LZIC: variants seen among roughly 807,000 people sequenced by gnomAD.
The protein encoded by LZIC is protein LZIC.
A neutral mutation model predicts 25.4 loss-of-function variants in LZIC; 28 were observed. The observed-to-expected ratio is 1.10, with a 90% CI of 0.82 to 1.51. The LOEUF (loss-of-function observed/expected upper bound fraction) is 1.51. Among genes scored for constraint, LZIC ranks in the 40% most tolerant of loss-of-function variants. The probability of loss-of-function intolerance (pLI) is 0.00; values close to 1 mark genes in which losing one functional copy is unlikely to be tolerated. For synonymous variants in LZIC, 65 were observed against 70.7 expected (o/e 0.92, Z 0.40); for missense variants, 170 against 211.1 (o/e 0.81, Z 1.21).
rs1640126455 is a variant in LZIC at position 9,929,587 on chromosome 1, T to C, written c.*812A>G. ...TAGCTGCCATTTCCTGTTGCTTCCC[T>C]GGTCAAACAACGCAGGCGGCTAAGT... On this transcript the variant is annotated 3_prime_UTR_variant, in exon 8 of 8. Transcript: ENST00000377223. The C allele has an allele frequency of 1.0e-6, 1 of 985,290 alleles. No individual in the cohort carries two copies. The highest frequency in any genetic ancestry group is 4.7e-5 in the South Asian group (1 of 21,294). 61.0% of individuals were successfully genotyped at this position (985,290 alleles called of 1,614,324 possible). A position where few individuals can be genotyped will look rare whatever the true frequency, so the allele number is the denominator to read the frequency against.
Position 9,929,275 on chromosome 1 carries a change from CA to C in LZIC, c.*1123del. On this transcript the variant is annotated 3_prime_UTR_variant, in exon 8 of 8. Coordinates refer to ENST00000377223, the MANE Select transcript of LZIC (RefSeq NM_032368.5). ...GCAAAGCACCTAGTAGTTTACAGTA[CA>C]GAAGAAGCTTTAAAAATGCTTTTAA... The C allele has an allele frequency of 2.0e-6, 2 of 979,174 alleles. No homozygotes were observed. The highest frequency in any genetic ancestry group is 2.4e-6 in the Non-Finnish European group (2 of 824,396). The allele number at this position is 979,174 out of a possible 1,614,324, so 60.7% of individuals were successfully genotyped here. A position where few individuals can be genotyped will look rare whatever the true frequency, so the allele number is the denominator to read the frequency against.
In LZIC at chr1:9,935,608, C is replaced by A. The variant is rs747536589; in HGVS notation, c.121G>T (p.Glu41Ter). 17 of 1,606,858 alleles carry A rather than the reference C, an allele frequency of 1.1e-5. No homozygotes were observed. Among genetic ancestry groups the A allele is most frequent in the Admixed American group, 1.7e-5 (1 of 58,342 alleles). ...GTTTCCTTTTTGGTTTCTTCATATT[C>A]ATCTGTATCAAGTTCCTCTCTGAAA... is the stretch of plus-strand genomic sequence containing the variant. ...EECREELDTD[E>*]YEETKKETLE... Residue 41 changes from glutamate (E) to a stop codon, truncating the protein, a stop_gained, in exon 4 of 8, where the codon GAA (glutamate) becomes TAA (stop). Coordinates refer to ENST00000377223, the MANE Select transcript of LZIC (RefSeq NM_032368.5). LOFTEE classifies it high-confidence loss of function.
At chr1:9,942,473 GTAC>G (rs1165118735) in intron 2 of LZIC, among the ~76,000 whole-genome samples, 148 bp downstream of exon 2, 1 of 152,136 alleles carries the variant, frequency 6.6e-6, no homozygotes, top group Admixed American at 6.6e-5. Flanking sequence ...CCTTAACCTG[GTAC>G]TACATTAGTT....
In LZIC at chr1:9,943,377, C is replaced by CG. The variant is rs1230749525; in HGVS notation, c.-297dup. ...AGGGCACTGGCCTGGCGGACCGCGC[C>CG]GGGGGAGCACTTCCGCTGGACGCAC... On this transcript the variant is annotated 5_prime_UTR_variant, in exon 1 of 8. Coordinates refer to ENST00000377223, the MANE Select transcript of LZIC (RefSeq NM_032368.5). 6.6e-6 allele frequency: 1 copy of CG among 152,476 alleles called. No homozygotes were observed. 9.4% of individuals were successfully genotyped at this position (152,476 alleles called of 1,614,324 possible). A position where few individuals can be genotyped will look rare whatever the true frequency, so the allele number is the denominator to read the frequency against.
intron 3 of LZIC, 128 bp from the exon 4 acceptor site, chr1:9,935,755 T>C (rs1570642647): frequency 4.7e-6 from 4 of 853,122 alleles, no homozygotes; most frequent in East Asian, 2.6e-5. Context: ...TGTGTTCACA[T>C]AGTAGTAGTG....
Position 9,929,701 on chromosome 1 carries a change from G to A in LZIC, c.*698C>T. On this transcript the variant is annotated 3_prime_UTR_variant, in exon 8 of 8. Coordinates refer to ENST00000377223, the MANE Select transcript of LZIC (RefSeq NM_032368.5). ...GCCCCATTAATACAGACAGCTTACA[G>A]GCTGGGGGATGGTCCCTTAGTGTGC... The A allele has an allele frequency of 2.0e-6, 2 of 985,434 alleles. No individual in the cohort carries two copies. The highest frequency in any genetic ancestry group is 2.4e-6 in the Non-Finnish European group (2 of 829,938). The allele number at this position is 985,434 out of a possible 1,614,324, so 61.0% of individuals were successfully genotyped here. A position where few individuals can be genotyped will look rare whatever the true frequency, so the allele number is the denominator to read the frequency against.
chr1:9,936,470 C>G, intron 3 of LZIC, 49 bp downstream of exon 3: 1 of 1,269,906 alleles, frequency 7.9e-7, no homozygotes, highest in Non-Finnish European at 1.2e-6. Flanking sequence ...GAGCTAGCTG[C>G]AGAAAAAACG....
At chr1:9,940,598 G>GT (rs1285761611) in intron 2 of LZIC, among the ~76,000 whole-genome samples, 1 of 152,168 alleles carries the variant, frequency 6.6e-6, no homozygotes, top group Non-Finnish European at 1.5e-5. Flanking sequence ...GGTTACAGGC[G>GT]TGAGCCACCG....
chr1:9,934,613 A>G, intron 5 of LZIC, 149 bp downstream of exon 5: 1 of 691,002 alleles, frequency 1.4e-6, no homozygotes, highest in South Asian at 1.7e-5. Context: ...ATTATCAACT[A>G]TAATTGCTCA....
At chr1:9,932,190 A>G (rs1640247937) in intron 6 of LZIC, 7 of 429,956 alleles carry the variant, frequency 1.6e-5, no homozygotes, top group Non-Finnish European at 2.5e-5. Flanking sequence ...TTAAAAATAC[A>G]AAAAATCAGC....
At position 9,929,589 on chromosome 1, in the gene LZIC, G is replaced by C; in HGVS notation, c.*810C>G. 1 of 985,334 alleles carries C rather than the reference G, an allele frequency of 1.0e-6. No individual in the cohort carries two copies. The highest frequency in any genetic ancestry group is 1.2e-6 in the Non-Finnish European group (1 of 829,932). 61.0% of individuals were successfully genotyped at this position (985,334 alleles called of 1,614,324 possible). A position where few individuals can be genotyped will look rare whatever the true frequency, so the allele number is the denominator to read the frequency against. ...GCTGCCATTTCCTGTTGCTTCCCTGGTCAAACAACGCAGGCGGCTAAGTCA... is the reference window on the plus strand; with the variant it reads ...GCTGCCATTTCCTGTTGCTTCCCTGCTCAAACAACGCAGGCGGCTAAGTCA... On this transcript the variant is annotated 3_prime_UTR_variant, in exon 8 of 8. Coordinates refer to ENST00000377223, the MANE Select transcript of LZIC (RefSeq NM_032368.5).
At chr1:9,940,643 C>T (rs948172764) in intron 2 of LZIC, among the ~76,000 whole-genome samples, 1 of 152,194 alleles carries the variant, frequency 6.6e-6, no homozygotes, top group African/African-American at 2.4e-5. Context: ...TTTTCCTACA[C>T]ATAATGAAAT....
Position 9,931,807 on chromosome 1 carries a change from T to C in LZIC, c.514+84A>G. 1.5e-5 allele frequency: 13 copies of C among 857,154 alleles called. No individual in the cohort carries two copies. In the South Asian group the frequency reaches 2.1e-4, roughly 14 times the overall value. 53.1% of individuals were successfully genotyped at this position (857,154 alleles called of 1,614,324 possible). A position where few individuals can be genotyped will look rare whatever the true frequency, so the allele number is the denominator to read the frequency against. Reference sequence around the variant, plus strand: ...TAAACTCAAGGAAAGGTTATTATGTTATTTCAACCACACTCTCCATCAGTT... The same window carrying C: ...TAAACTCAAGGAAAGGTTATTATGTCATTTCAACCACACTCTCCATCAGTT... On this transcript the variant is annotated intron_variant, in intron 7 of 7. Coordinates refer to ENST00000377223, the MANE Select transcript of LZIC (RefSeq NM_032368.5).
intron 4 of LZIC, 71 bp from the exon 5 acceptor site, chr1:9,934,931 G>A (rs367650765): frequency 3.9e-5 from 43 of 1,108,568 alleles, no homozygotes; most frequent in East Asian, 1.4e-4. Context: ...ACTGATTGAC[G>A]GATCCTTAAT....
chr1:9,924,353 A>ATTTTAT (rs34155447), downstream of LZIC, among the ~76,000 whole-genome samples: 1 of 151,590 alleles, frequency 6.6e-6, no homozygotes, highest in Admixed American at 6.6e-5. Context: ...ATTTTATTTT[A>ATTTTAT]TTTATTTATT....
chr1:9,931,600 C>T (rs1640216276), intron 7 of LZIC, among the ~76,000 whole-genome samples: 1 of 152,142 alleles, frequency 6.6e-6, no homozygotes, highest in Non-Finnish European at 1.5e-5. Context: ...CAAAGGGTCT[C>T]ACCATGTTGC....
chr1:9,930,545 A>G, intron 7 of LZIC, 88 bp from the exon 8 acceptor site: 2 of 1,548,846 alleles, frequency 1.3e-6, no homozygotes, highest in Non-Finnish European at 1.8e-6. Flanking sequence ...TATCATATAG[A>G]TATTAAAACA....
At position 9,942,646 on chromosome 1, in the gene LZIC, C is replaced by T; in HGVS notation, c.-31G>A. 7.8e-7 allele frequency: 1 copy of T among 1,288,688 alleles called. No individual in the cohort carries two copies. The highest frequency in any genetic ancestry group is 1.0e-6 in the Non-Finnish European group (1 of 988,262). 79.8% of individuals were successfully genotyped at this position (1,288,688 alleles called of 1,614,324 possible). On this transcript the variant is annotated 5_prime_UTR_variant, in exon 2 of 8. Coordinates refer to ENST00000377223, the MANE Select transcript of LZIC (RefSeq NM_032368.5). Reference sequence around the variant, plus strand: ...CACCTGTCTCTTAGTACTCTGATCTCTGCACAGTGCCGACCGGTCTCAAAT... The same window carrying T: ...CACCTGTCTCTTAGTACTCTGATCTTTGCACAGTGCCGACCGGTCTCAAAT...
Position 9,931,914 on chromosome 1 carries a change from A to G in LZIC, c.491T>C (p.Phe164Ser). 1.2e-6 allele frequency: 2 copies of G among 1,613,816 alleles called. No individual in the cohort carries two copies. Among genetic ancestry groups the G allele is most frequent in the South Asian group, 1.1e-5 (1 of 91,060 alleles). The part of the protein sequence containing the change: ...SANAGAILSQ[F>S]EKVSTDLGSG... The stretch of plus-strand genomic sequence containing the variant: ...ACCAAGGTCTGTAGAGACTTTCTCA[A>G]ACTGGCTGAGTATAGCACCTGCATT... Residue 164 changes from phenylalanine to serine, a missense_variant, in exon 7 of 8, where the codon TTT (phenylalanine) becomes TCT (serine). Phe to Ser is a radical substitution (Grantham distance 155, BLOSUM62 -2). Transcript: ENST00000377223.
Sources: gnomAD v4.1 joint callset for allele counts (sites outside exome capture counted in the v4.1 genomes callset) on GRCh38, gnomAD v4.1.1 for gene constraint, MANE v1.5 for transcripts, NCBI Gene and HGNC (gene_info 2026-07-23, HGNC 2026-07-21) for gene names.